Variants in TNNI3K observed in about 807,000 individuals in gnomAD.
The protein encoded by TNNI3K is serine/threonine-protein kinase TNNI3K.
In TNNI3K, 140 loss-of-function variants were observed where a neutral mutation model predicts 114.5. The observed-to-expected ratio is 1.22, with a 90% CI of 1.07 to 1.41. The LOEUF (loss-of-function observed/expected upper bound fraction) is 1.41, where lower values mean the gene tolerates loss of function less well. Ranked by LOEUF, TNNI3K falls within the 40% of genes most tolerant of loss-of-function variation. TNNI3K has a pLI of 0.00. For missense variants in TNNI3K, 1,125 were observed against 1,007.6 expected (o/e 1.12, Z -1.58); for synonymous variants, 347 against 347.5 (o/e 1.00, Z 0.02).
chr1:74,470,976 A>AT (rs747743119), intron 21 of TNNI3K: 4 of 400,492 alleles, frequency 1.0e-5, no homozygotes, highest in Non-Finnish European at 4.4e-6. Context: ...CACTTCCTGT[A>AT]TTTTCCCAAG....
intron 23 of TNNI3K, among the ~76,000 whole-genome samples, chr1:74,516,146 A>G (rs1646344510): frequency 6.6e-6 from 1 of 152,092 alleles, no homozygotes; most frequent in African/African-American, 2.4e-5. Context: ...ATTGATAATA[A>G]CTCTGGTATT....
intron 17 of TNNI3K, chr1:74,372,188 A>G (rs1178099862): frequency 7.9e-5 from 12 of 151,744 alleles, no homozygotes. Flanking sequence ...TTGTTCTTTA[A>G]TCAAAAATTA....
At chr1:74,522,598 C>A (rs945335439) in intron 23 of TNNI3K, among the ~76,000 whole-genome samples, 2 of 151,812 alleles carry the variant, frequency 1.3e-5, no homozygotes, top group Non-Finnish European at 2.9e-5. Flanking sequence ...TGCATATTCC[C>A]AAAATGTAAG....
At chr1:74,248,663 G>A (rs181989007) in intron 2 of TNNI3K, among the ~76,000 whole-genome samples, 2 of 152,192 alleles carry the variant, frequency 1.3e-5, no homozygotes, top group Admixed American at 6.5e-5. Flanking sequence ...CAAAATGAAG[G>A]CCTTACAAGC....
At chr1:74,248,932 T>C (rs1435487837) in intron 2 of TNNI3K, among the ~76,000 whole-genome samples, 1 of 152,194 alleles carries the variant, frequency 6.6e-6, no homozygotes, top group Non-Finnish European at 1.5e-5. Context: ...CTTTTGTCAG[T>C]TGATTTCAGC....
At chr1:74,465,238 G>A (rs45585035) in intron 21 of TNNI3K, among the ~76,000 whole-genome samples, 2,091 of 152,268 alleles carry the variant, frequency 0.014, 40 homozygotes, top group African/African-American at 0.048. Context: ...TGGGCTGGCC[G>A]AGGCCGGAGC....
In TNNI3K at chr1:74,367,332, G is replaced by C; in HGVS notation, c.1254G>C (p.Gln418His). The change falls in exon 12 of 25, where the codon CAG (glutamine) becomes CAC (histidine). Residue 418 changes from glutamine (Q) to histidine (H), a missense_variant. Transcript: ENST00000326637. ...QDELPCNEYS[Q>H]PGGDGSYVSV... ...AATTGCCCTGTAATGAATATTCTCAGCCTGGAGGAGGTACCCCTTTTCTTA... is the reference window on the plus strand; with the variant it reads ...AATTGCCCTGTAATGAATATTCTCACCCTGGAGGAGGTACCCCTTTTCTTA... 6.2e-7 allele frequency: 1 copy of C among 1,612,004 alleles called. No homozygotes were observed. The highest frequency in any genetic ancestry group is 2.2e-5 in the East Asian group (1 of 44,798).
At chr1:74,301,014 G>A (rs1458776946) in intron 5 of TNNI3K, among the ~76,000 whole-genome samples, 1 of 152,184 alleles carries the variant, frequency 6.6e-6, no homozygotes, top group Non-Finnish European at 1.5e-5. Context: ...AAGTGTGAAT[G>A]TGCATTTCTA....
chr1:74,535,240 G>A (rs1038769568), intron 23 of TNNI3K, among the ~76,000 whole-genome samples: 2 of 152,112 alleles, frequency 1.3e-5, no homozygotes, highest in African/African-American at 4.8e-5. Flanking sequence ...ACTTTGGGAG[G>A]TCGAGGTGGG....
At chr1:74,391,448 A>G (rs190793870) in intron 17 of TNNI3K, among the ~76,000 whole-genome samples, 11 of 152,236 alleles carry the variant, frequency 7.2e-5, no homozygotes, top group Middle Eastern at 3.4e-3. Flanking sequence ...CTAGATACAT[A>G]TAGGAGATGA....
chr1:74,305,313 C>A lies in TNNI3K; in HGVS notation c.445-26137C>A, dbSNP rs561023060. ...TCAGGACTCATTTGAAGCTGACTCA[C>A]ACAGACATTAGGATCAGGAGGTTTT... On this transcript the variant is annotated intron_variant, in intron 5 of 24. Coordinates refer to ENST00000326637, the MANE Select transcript of TNNI3K (RefSeq NM_015978.3). Among the ~76,000 whole-genome samples, 6 of 152,262 alleles carry A rather than the reference C, an allele frequency of 3.9e-5. No individual in the cohort carries two copies. The East Asian group carries it at 1.2e-3, about 29-fold the overall frequency.
intron 4 of TNNI3K, among the ~76,000 whole-genome samples, chr1:74,255,790 C>T (rs1400615248): frequency 1.3e-5 from 2 of 152,168 alleles, no homozygotes; most frequent in East Asian, 3.9e-4. Flanking sequence ...CAGTCAGTCT[C>T]CTTCTCACCT....
At position 74,236,176 on chromosome 1, in the gene TNNI3K, GA is replaced by G. The variant is rs775000915; in HGVS notation, c.120del (p.Glu41AsnfsTer2). 6.2e-7 allele frequency: 1 copy of G among 1,607,502 alleles called. No homozygotes were observed. Among genetic ancestry groups the G allele is most frequent in the African/African-American group, 1.3e-5 (1 of 74,644 alleles). ...ATTAGAAGATGACCTGCAGATCAAG[GA>G]AAAAGAACTGACAGAACTAAGGAAT... ...ERLEDDLQIK[E>X]KELTELRNIF... On this transcript the variant is annotated frameshift_variant, in exon 2 of 25. Transcript: ENST00000326637. LOFTEE classifies it high-confidence loss of function.
At chr1:74,365,689 C>A (rs1435440633) in intron 11 of TNNI3K, among the ~76,000 whole-genome samples, 1 of 151,992 alleles carries the variant, frequency 6.6e-6, no homozygotes, top group African/African-American at 2.4e-5. Context: ...TTAGGTGCTT[C>A]CCCTAGAAAT....
intron 4 of TNNI3K, among the ~76,000 whole-genome samples, chr1:74,270,980 T>G (rs1211717606): frequency 6.6e-6 from 1 of 151,778 alleles, no homozygotes; most frequent in Non-Finnish European, 1.5e-5. Context: ...GCACAAATTT[T>G]TCAAATTTGG....
chr1:74,447,048 T>G (rs953250687), intron 20 of TNNI3K, among the ~76,000 whole-genome samples: 1 of 146,156 alleles, frequency 6.8e-6, no homozygotes, highest in Non-Finnish European at 1.5e-5. Flanking sequence ...CCATATGAAC[T>G]TTAAAGTAGT....
chr1:74,388,596 T>A (rs1251085717), intron 17 of TNNI3K, among the ~76,000 whole-genome samples: 1 of 152,200 alleles, frequency 6.6e-6, no homozygotes, highest in African/African-American at 2.4e-5. Flanking sequence ...AAACATTAGG[T>A]CACCAGAAAT....
intron 20 of TNNI3K, among the ~76,000 whole-genome samples, chr1:74,444,991 C>A (rs1028144789): frequency 6.6e-6 from 1 of 152,086 alleles, no homozygotes; most frequent in African/African-American, 2.4e-5. Flanking sequence ...ATGCAGAAAA[C>A]TGAAGCTGGA....
chr1:74,513,132 A>G (rs1354770248), intron 23 of TNNI3K, among the ~76,000 whole-genome samples: 1 of 152,200 alleles, frequency 6.6e-6, no homozygotes, highest in East Asian at 1.9e-4. Flanking sequence ...ATACTGTTTC[A>G]CTGGCCTGAG....
Sources: allele counts gnomAD v4.1 joint callset (sites outside exome capture counted in the v4.1 genomes callset), GRCh38; gene constraint gnomAD v4.1.1; transcripts MANE v1.5; gene names NCBI Gene and HGNC (gene_info 2026-07-23, HGNC 2026-07-21).